DCDC1: variants seen among roughly 807,000 people sequenced by gnomAD.
The protein encoded by DCDC1 is doublecortin domain-containing protein 1.
DCDC1 carries 200 observed loss-of-function variants against 178.3 expected under a neutral mutation model. The observed-to-expected ratio is 1.12, with a 90% CI of 1.00 to 1.26. DCDC1 has a LOEUF of 1.26. Among genes scored for constraint, DCDC1 ranks in the 50% most tolerant of loss-of-function variants. The pLI is 0.00. For synonymous variants in DCDC1, 690 were observed against 604.8 expected (o/e 1.14, Z -2.07); for missense variants, 1,983 against 1,749.2 (o/e 1.13, Z -2.38).
At chr11:31,062,809 ATTATAC>A (rs1371407895) in intron 20 of DCDC1, among the ~76,000 whole-genome samples, 1 of 150,808 alleles carries the variant, frequency 6.6e-6, no homozygotes, top group Admixed American at 6.6e-5. Flanking sequence ...TTTTATTATT[ATTATAC>A]TTTAAGTTTT....
At chr11:30,889,293 A>G (rs1271092117) in intron 36 of DCDC1, among the ~76,000 whole-genome samples, 1 of 152,216 alleles carries the variant, frequency 6.6e-6, no homozygotes, top group South Asian at 2.1e-4. Context: ...AAGTCTAGCA[A>G]TGTTCAAAGA....
At chr11:30,994,055 A>G (rs1951121712) in intron 20 of DCDC1, among the ~76,000 whole-genome samples, 1 of 152,166 alleles carries the variant, frequency 6.6e-6, no homozygotes, top group South Asian at 2.1e-4. Flanking sequence ...CTTCAGCAAA[A>G]TATTACCAAA....
intron 20 of DCDC1, among the ~76,000 whole-genome samples, chr11:31,042,347 C>T (rs1386014239): frequency 5.3e-5 from 8 of 152,134 alleles, no homozygotes; most frequent in Non-Finnish European, 8.8e-5. Context: ...ACCACATATC[C>T]GATTTTTTGC....
intron 1 of DCDC1, among the ~76,000 whole-genome samples, chr11:31,346,265 G>A (rs921623592): frequency 3.3e-5 from 5 of 151,954 alleles, no homozygotes; most frequent in African/African-American, 1.2e-4. Context: ...TTCGAGACTA[G>A]CCTGGCCAAT....
At chr11:30,938,165 CTCTT>C (rs1947395928) in intron 21 of DCDC1, among the ~76,000 whole-genome samples, 1 of 152,134 alleles carries the variant, frequency 6.6e-6, no homozygotes, top group Non-Finnish European at 1.5e-5. Flanking sequence ...TTCTGTGTCT[CTCTT>C]TGATCTCTGT....
intron 8 of DCDC1, among the ~76,000 whole-genome samples, chr11:31,250,999 C>T (rs2136983194): frequency 6.6e-6 from 1 of 152,158 alleles, no homozygotes; most frequent in Middle Eastern, 3.4e-3. Flanking sequence ...GTGATCCATC[C>T]ACCTCAGCCT....
rs144766952 is a variant in DCDC1 at position 30,927,992 on chromosome 11, G to A, written c.2898-2584C>T. Among the ~76,000 whole-genome samples the A allele has an allele frequency of 2.8e-3, 433 of 152,192 alleles. 1 individual carries two copies. Among genetic ancestry groups the A allele is most frequent in the African/African-American group, 0.01 (418 of 41,518 alleles). Reference sequence around the variant, plus strand: ...AAACATAATATACGTTAGTGGTATGGTTTAGATGTTTGTCCTCTGCAAACC... The same window carrying A: ...AAACATAATATACGTTAGTGGTATGATTTAGATGTTTGTCCTCTGCAAACC... On this transcript the variant is annotated intron_variant, in intron 22 of 38. Transcript: ENST00000684477.
chr11:30,914,632 CAA>C (rs11355322), intron 27 of DCDC1, among the ~76,000 whole-genome samples: 14,033 of 100,898 alleles, frequency 0.14, 765 homozygotes, highest in Admixed American at 0.22. Flanking sequence ...CATATGCACC[CAA>C]AAAAAAAAAA....
chr11:31,300,162 T>C (rs939076911), intron 6 of DCDC1, among the ~76,000 whole-genome samples: 2 of 152,164 alleles, frequency 1.3e-5, no homozygotes, highest in Non-Finnish European at 1.5e-5. Context: ...GGCCGAGGTG[T>C]AAACTATTAT....
At chr11:30,980,322 C>T (rs1407536163) in intron 20 of DCDC1, among the ~76,000 whole-genome samples, 1 of 152,230 alleles carries the variant, frequency 6.6e-6, no homozygotes, top group Non-Finnish European at 1.5e-5. Flanking sequence ...GAGTGCCCAT[C>T]TGACACCTGT....
chr11:31,131,130 C>T lies in DCDC1; in HGVS notation c.1315-3491G>A, dbSNP rs1326193834. On this transcript the variant is annotated intron_variant, in intron 10 of 38. Transcript: ENST00000684477. ...CTGGGAAGCGGAGCTTGCAGTGAGC[C>T]GAGATTGCGCCACTGCAGTCCGCAG... Among the ~76,000 whole-genome samples the T allele has an allele frequency of 7.5e-5, 2 of 26,682 alleles. 1 individual carries two copies. Among genetic ancestry groups the T allele is most frequent in the Non-Finnish European group, 1.8e-4 (2 of 11,278 alleles). The allele number at this position is 26,682 out of a possible 152,430, so 17.5% of individuals were successfully genotyped here. A position where few individuals can be genotyped will look rare whatever the true frequency, so the allele number is the denominator to read the frequency against.
chr11:30,924,382 G>A (rs545521481), intron 23 of DCDC1, among the ~76,000 whole-genome samples: 51 of 152,220 alleles, frequency 3.4e-4, no homozygotes, highest in African/African-American at 1.1e-3. Context: ...TAGGTTCAGG[G>A]CCTCAGTTGA....
intron 37 of DCDC1, among the ~76,000 whole-genome samples, chr11:30,879,622 A>G (rs484308): frequency 0.012 from 1,756 of 152,292 alleles, 30 homozygotes; most frequent in African/African-American, 0.04. Flanking sequence ...TGTATTTATA[A>G]AATTGAAGAT....
chr11:31,028,257 T>G (rs2135255910), intron 20 of DCDC1, among the ~76,000 whole-genome samples: 1 of 152,042 alleles, frequency 6.6e-6, no homozygotes, highest in African/African-American at 2.4e-5. Flanking sequence ...GAGATTGTTT[T>G]TGAATAATAC....
At chr11:31,208,706 A>C (rs908798082) in intron 9 of DCDC1, among the ~76,000 whole-genome samples, 3 of 152,140 alleles carry the variant, frequency 2.0e-5, no homozygotes, top group Admixed American at 6.5e-5. Flanking sequence ...CAACAGCCTT[A>C]TTCCTCTGCT....
intron 2 of DCDC1, among the ~76,000 whole-genome samples, chr11:31,330,552 T>C (rs2133109842): frequency 6.6e-6 from 1 of 152,344 alleles, no homozygotes; most frequent in South Asian, 2.1e-4. Context: ...AAGTTTTTAA[T>C]CCATCTTGAA....
intron 36 of DCDC1, among the ~76,000 whole-genome samples, chr11:30,888,052 AAGAAAGAAAGAGAG>A (rs1266327311): frequency 7.0e-5 from 6 of 85,972 alleles, no homozygotes; most frequent in African/African-American, 2.5e-4. Context: ...GAAAGAAAGA[AAGAAAGAAAGAGAG>A]AGAGAGAGAG....
At chr11:31,026,514 C>T (rs985795711) in intron 20 of DCDC1, among the ~76,000 whole-genome samples, 2 of 151,690 alleles carry the variant, frequency 1.3e-5, no homozygotes, top group African/African-American at 2.4e-5. Flanking sequence ...CATGAGAGAA[C>T]CTGAAATTAA....
At chr11:30,958,409 C>G (rs973059074) in intron 20 of DCDC1, among the ~76,000 whole-genome samples, 3 of 152,118 alleles carry the variant, frequency 2.0e-5, no homozygotes, top group Non-Finnish European at 4.4e-5. Context: ...ACAACATTGT[C>G]TCAGATTAAG....
Sources: allele counts gnomAD v4.1 joint callset (sites outside exome capture counted in the v4.1 genomes callset), GRCh38; gene constraint gnomAD v4.1.1; transcripts MANE v1.5; gene names NCBI Gene and HGNC (gene_info 2026-07-23, HGNC 2026-07-21).